MYO9A: variants seen among roughly 807,000 people sequenced by gnomAD.
The protein encoded by MYO9A is unconventional myosin-IXa.
MYO9A carries 103 observed loss-of-function variants against 293.3 expected under a neutral mutation model. The observed-to-expected ratio is 0.35, with a 90% CI of 0.30 to 0.41. The LOEUF (loss-of-function observed/expected upper bound fraction) is 0.41. Among genes scored for constraint, MYO9A ranks in the 10% least tolerant of loss-of-function variants. The pLI is 1.00. For synonymous variants in MYO9A, 1,001 were observed against 1,035.7 expected, an observed-to-expected ratio of 0.97 and a Z score of 0.64; for missense variants, 2,685 against 3,033.0, an observed-to-expected ratio of 0.89 and a Z score of 2.69.
rs2054481724 is a variant in MYO9A at position 71,826,022 on chromosome 15, G to GTTTTTTTTTTTT, written c.*557_*558insAAAAAAAAAAAA. 1.7e-5 allele frequency: 1 copy of GTTTTTTTTTTTT among 60,098 alleles called. No individual in the cohort carries two copies. Among genetic ancestry groups the GTTTTTTTTTTTT allele is most frequent in the African/African-American group, 6.4e-5 (1 of 15,722 alleles). The allele number at this position is 60,098 out of a possible 1,614,324, so 3.7% of individuals were successfully genotyped here. A position where few individuals can be genotyped will look rare whatever the true frequency, so the allele number is the denominator to read the frequency against. The stretch of plus-strand genomic sequence containing the variant: ...TTTTTTTTTTTTGTTTTTTTTTTTT[G>GTTTTTTTTTTTT]TTTTTGCTTTCCCCAGAATATAACA... On this transcript the variant is annotated 3_prime_UTR_variant, in exon 42 of 42. Transcript: ENST00000356056.
At position 71,901,376 on chromosome 15, in the gene MYO9A, A is replaced by G. The variant is rs189326852; in HGVS notation, c.3001-36T>C. ...GAAGAAAGATGAGGAATGCAGCTTA[A>G]GAAGAAATGAGAAATTTATTTCATG... is the stretch of plus-strand genomic sequence containing the variant. On this transcript the variant is annotated intron_variant, in intron 22 of 41. Transcript: ENST00000356056. The G allele has an allele frequency of 2.0e-5, 31 of 1,569,944 alleles. No individual in the cohort carries two copies. In the Admixed American group the frequency reaches 2.1e-4, roughly 11 times the overall value.
At position 71,956,842 on chromosome 15, in the gene MYO9A, C is replaced by A. The variant is rs1341067278; in HGVS notation, c.2182+3059G>T. On this transcript the variant is annotated intron_variant, in intron 14 of 41. Transcript: ENST00000356056. ...TATATATGCTATATATATATACACA[C>A]ACACACACACACACACAAATATATA... is the stretch of plus-strand genomic sequence containing the variant. 3.1e-5 allele frequency among the ~76,000 whole-genome samples: 3 copies of A among 98,134 alleles called. 1 individual carries two copies. The Admixed American group carries it at 3.9e-4, about 13-fold the overall frequency. 64.4% of individuals were successfully genotyped at this position (98,134 alleles called of 152,430 possible).
At chr15:71,938,018 T>C (rs1330023215) in intron 16 of MYO9A, among the ~76,000 whole-genome samples, 1 of 152,162 alleles carries the variant, frequency 6.6e-6, no homozygotes, top group African/African-American at 2.4e-5. Flanking sequence ...ATTTGTGGCA[T>C]TCAAAGTGAA....
At chr15:71,951,964 C>T in intron 14 of MYO9A, 68 bp from the exon 15 acceptor site, 1 of 1,488,538 alleles carries the variant, frequency 6.7e-7, no homozygotes, top group Non-Finnish European at 8.9e-7. Context: ...TAAGCCCAAA[C>T]CAACAGAGAA....
intron 26 of MYO9A, chr15:71,888,738 G>A (rs1398745944): frequency 6.6e-6 from 1 of 152,194 alleles, no homozygotes; most frequent in East Asian, 1.9e-4. Flanking sequence ...GTTCTGAGGA[G>A]AGAATTTCTT....
chr15:71,935,840 T>C (rs1296546230), intron 16 of MYO9A, among the ~76,000 whole-genome samples: 2 of 151,912 alleles, frequency 1.3e-5, no homozygotes, highest in Non-Finnish European at 2.9e-5. Context: ...CTATAGGAAT[T>C]TGTCATCCTA....
chr15:71,915,410 G>A (rs947139610), intron 19 of MYO9A, among the ~76,000 whole-genome samples: 2 of 150,756 alleles, frequency 1.3e-5, no homozygotes, highest in East Asian at 1.9e-4. Flanking sequence ...TGGCTCCTTG[G>A]TCTTGCTTTT....
chr15:71,837,125 T>C (rs1306748569), intron 39 of MYO9A, among the ~76,000 whole-genome samples: 2 of 152,064 alleles, frequency 1.3e-5, no homozygotes, highest in African/African-American at 4.8e-5. Context: ...GACAAATTTC[T>C]GAGTTGAGTT....
chr15:71,983,305 T>C (rs182307415), intron 11 of MYO9A, among the ~76,000 whole-genome samples: 1 of 151,942 alleles, frequency 6.6e-6, no homozygotes, highest in Non-Finnish European at 1.5e-5. Flanking sequence ...CTAGAAAACA[T>C]GTATCCTTAA....
intron 1 of MYO9A, among the ~76,000 whole-genome samples, chr15:72,108,089 A>C (rs1386394368): frequency 6.6e-6 from 1 of 152,232 alleles, no homozygotes; most frequent in African/African-American, 2.4e-5. Flanking sequence ...GGATCAAAAA[A>C]GATGCTAAAA....
chr15:71,828,501 C>T (rs2054599556), intron 40 of MYO9A, among the ~76,000 whole-genome samples: 1 of 151,948 alleles, frequency 6.6e-6, no homozygotes, highest in Admixed American at 6.6e-5. Flanking sequence ...TAGACGATAC[C>T]CTCTATCTTC....
intron 2 of MYO9A, among the ~76,000 whole-genome samples, chr15:72,041,890 A>C (rs2078236031): frequency 1.3e-5 from 2 of 151,900 alleles, no homozygotes; most frequent in South Asian, 4.1e-4. Context: ...AAAAAAAAAA[A>C]CAGTAATAAT....
intron 25 of MYO9A, among the ~76,000 whole-genome samples, chr15:71,895,140 G>C (rs1037631023): frequency 6.6e-6 from 1 of 152,130 alleles, no homozygotes; most frequent in Non-Finnish European, 1.5e-5. Context: ...CCCTTTTTGA[G>C]CAATGTATGT....
chr15:72,049,012 T>C (rs1340289904), intron 1 of MYO9A, among the ~76,000 whole-genome samples: 3 of 152,210 alleles, frequency 2.0e-5, no homozygotes, highest in Non-Finnish European at 2.9e-5. Context: ...TAATTTAATA[T>C]TTTTCAGACT....
intron 1 of MYO9A, among the ~76,000 whole-genome samples, 159 bp downstream of exon 1, chr15:72,117,521 C>T (rs1445528750): frequency 2.6e-5 from 4 of 152,196 alleles, no homozygotes; most frequent in Admixed American, 6.5e-5. Context: ...TACTGGGGAT[C>T]CGGGGCCGTG....
At chr15:72,103,127 C>T (rs1182342139) in intron 1 of MYO9A, among the ~76,000 whole-genome samples, 8 of 143,448 alleles carry the variant, frequency 5.6e-5, no homozygotes, top group Non-Finnish European at 4.6e-5. Flanking sequence ...GCCTGGCAGG[C>T]GGAGGTTGCA....
intron 1 of MYO9A, among the ~76,000 whole-genome samples, chr15:72,081,681 A>T (rs765897429): frequency 6.6e-6 from 1 of 151,920 alleles, no homozygotes; most frequent in Non-Finnish European, 1.5e-5. Flanking sequence ...TTTAGGTTTT[A>T]AATTAGAGAC....
At chr15:72,021,062 G>T in intron 4 of MYO9A, 45 bp from the exon 5 acceptor site, 1 of 1,276,286 alleles carries the variant, frequency 7.8e-7, no homozygotes, top group South Asian at 1.5e-5. Flanking sequence ...TGTGACTTAT[G>T]GTTATCATTT....
chr15:71,956,326 A>ATAT (rs1371050523), intron 14 of MYO9A, among the ~76,000 whole-genome samples: 5 of 9,902 alleles, frequency 5.0e-4, no homozygotes, highest in South Asian at 3.8e-3. Context: ...AAAAAAAAAA[A>ATAT]AAAAATATAT....
Sources: gnomAD v4.1 joint callset for allele counts (sites outside exome capture counted in the v4.1 genomes callset) on GRCh38, gnomAD v4.1.1 for gene constraint, MANE v1.5 for transcripts, NCBI Gene and HGNC (gene_info 2026-07-23, HGNC 2026-07-21) for gene names.